CDK5RAP3: variants seen among roughly 807,000 people sequenced by gnomAD.
The protein encoded by CDK5RAP3 is CDK5 regulatory subunit associated protein 3.
CDK5RAP3 carries 58 observed loss-of-function variants against 73.3 expected under a neutral mutation model. The observed-to-expected ratio is 0.79, with a 90% CI of 0.64 to 0.98. The LOEUF (loss-of-function observed/expected upper bound fraction) is 0.98. Among genes scored for constraint, CDK5RAP3 ranks in the 50% least tolerant of loss-of-function variants. CDK5RAP3 has a pLI of 0.00. For synonymous variants in CDK5RAP3, 224 were observed against 247.5 expected (o/e 0.91, Z 0.89); for missense variants, 525 against 615.8 (o/e 0.85, Z 1.56).
intron 1 of CDK5RAP3, 46 bp from the exon 2 acceptor site, chr17:47,971,316 C>T (rs755896703): frequency 1.9e-6 from 3 of 1,592,236 alleles, no homozygotes; most frequent in Admixed American, 1.8e-5. Flanking sequence ...AGTGGTACGT[C>T]CTCTCTCCGC....
intron 2 of CDK5RAP3, among the ~76,000 whole-genome samples, chr17:47,973,233 A>G (rs1318222456): frequency 6.6e-6 from 1 of 152,178 alleles, no homozygotes; most frequent in South Asian, 2.1e-4. Flanking sequence ...GGAATTGAGA[A>G]TGGTCAAAAG....
intron 8 of CDK5RAP3, chr17:47,976,313 C>G (rs1473198802): frequency 4.8e-6 from 2 of 413,280 alleles, no homozygotes; most frequent in Admixed American, 7.9e-5. Flanking sequence ...AGTGTGCTCT[C>G]TACAGAAGCA....
intron 2 of CDK5RAP3, among the ~76,000 whole-genome samples, chr17:47,971,710 C>T (rs1246282933): frequency 1.3e-5 from 2 of 152,146 alleles, no homozygotes; most frequent in Non-Finnish European, 2.9e-5. Flanking sequence ...TGGCTCATGC[C>T]TGTAATCCCA....
chr17:47,971,879 C>T (rs1229031791), intron 2 of CDK5RAP3, among the ~76,000 whole-genome samples: 1 of 152,042 alleles, frequency 6.6e-6, no homozygotes, highest in East Asian at 1.9e-4. Flanking sequence ...CCTGTAATCC[C>T]AGCTACTCGG....
rs959365967 is a variant in CDK5RAP3 at position 47,973,807 on chromosome 17, A to T, written c.185-124A>T. On this transcript the variant is annotated intron_variant, in intron 3 of 13. Coordinates refer to ENST00000338399, the MANE Select transcript of CDK5RAP3 (RefSeq NM_176096.3). Reference sequence around the variant, plus strand: ...TGCTGGCTTCTTCCACTATGAAATGATTTAGGGAAAAGCTACACACTAAAG... The same window carrying T: ...TGCTGGCTTCTTCCACTATGAAATGTTTTAGGGAAAAGCTACACACTAAAG... 2.9e-5 allele frequency: 36 copies of T among 1,234,206 alleles called. No homozygotes were observed. In the African/African-American group the frequency reaches 3.9e-4, roughly 13 times the overall value. The allele number at this position is 1,234,206 out of a possible 1,614,324, so 76.5% of individuals were successfully genotyped here. A position where few individuals can be genotyped will look rare whatever the true frequency, so the allele number is the denominator to read the frequency against.
Position 47,975,621 on chromosome 17 carries a change from G to A in CDK5RAP3, c.621G>A (p.Val207=). Residue 207 remains valine (V), a synonymous_variant, in exon 7 of 14, where the codon GTG becomes GTA. Transcript: ENST00000338399. The part of the protein sequence containing the change: ...AQQSLGEAID[V]YQASVGFVCE... ...AGTCCCTGGGGGAAGCCATTGACGT[G>A]TACCAGGCGTCTGTGGGGTTTGTGT... is the stretch of plus-strand genomic sequence containing the variant. The A allele has an allele frequency of 6.2e-7, 1 of 1,605,546 alleles. No homozygotes were observed. Among genetic ancestry groups the A allele is most frequent in the Non-Finnish European group, 8.5e-7 (1 of 1,179,448 alleles).
intron 2 of CDK5RAP3, 41 bp downstream of exon 2, chr17:47,971,448 G>A (rs2036264408): frequency 1.3e-6 from 2 of 1,550,754 alleles, no homozygotes; most frequent in Non-Finnish European, 1.7e-6. Context: ...GTCGGGGGGA[G>A]GCCTGTGCGT....
chr17:47,978,442 A>C, intron 10 of CDK5RAP3: 1 of 181,428 alleles, frequency 5.5e-6, no homozygotes. Flanking sequence ...GCCAGCTGTT[A>C]TGGTAGGAGG....
intron 2 of CDK5RAP3, 120 bp from the exon 3 acceptor site, chr17:47,973,399 C>G: frequency 8.7e-7 from 1 of 1,148,792 alleles, no homozygotes; most frequent in Non-Finnish European, 1.2e-6. Context: ...CCCATGACCC[C>G]CATACTTTAA....
rs775482336 is a variant in CDK5RAP3 at position 47,975,672 on chromosome 17, C to T, written c.653+19C>T. On this transcript the variant is annotated intron_variant, in intron 7 of 13. Transcript: ENST00000338399. Reference sequence around the variant, plus strand: ...GTGAGAGGTAGAGAGGCCTCAGCTTCTCCTGGTGGGGGTGCTTTGCCTGTG... The same window carrying T: ...GTGAGAGGTAGAGAGGCCTCAGCTTTTCCTGGTGGGGGTGCTTTGCCTGTG... 6.3e-7 allele frequency: 1 copy of T among 1,584,198 alleles called. No individual in the cohort carries two copies. The highest frequency in any genetic ancestry group is 1.1e-5 in the South Asian group (1 of 89,090).
chr17:47,981,395 C>T (rs1428372751), intron 13 of CDK5RAP3, 42 bp from the exon 14 acceptor site: 3 of 1,614,216 alleles, frequency 1.9e-6, no homozygotes, highest in Non-Finnish European at 2.5e-6. Flanking sequence ...AAATGAGGCC[C>T]TGAGCACCCC....
intron 12 of CDK5RAP3, 35 bp from the exon 13 acceptor site, chr17:47,981,128 A>G: frequency 6.3e-7 from 1 of 1,591,678 alleles, no homozygotes; most frequent in Non-Finnish European, 8.6e-7. Flanking sequence ...CAGGATGCAC[A>G]GCTAACCCAG....
rs946805201 is a variant in CDK5RAP3, at chr17:47,980,887, C to T, written c.1283+89C>T. 1.0e-5 allele frequency: 14 copies of T among 1,347,886 alleles called. No individual in the cohort carries two copies. In the East Asian group the frequency reaches 3.2e-4, roughly 31 times the overall value. The allele number at this position is 1,347,886 out of a possible 1,614,324, so 83.5% of individuals were successfully genotyped here. A position where few individuals can be genotyped will look rare whatever the true frequency, so the allele number is the denominator to read the frequency against. Reference sequence around the variant, plus strand: ...CTCTTGTTCCATGACCCCTTAAACCCCATCCCTGCCTCCTGGCCATTGCCA... The same window carrying T: ...CTCTTGTTCCATGACCCCTTAAACCTCATCCCTGCCTCCTGGCCATTGCCA... On this transcript the variant is annotated intron_variant, in intron 12 of 13. Coordinates refer to ENST00000338399, the MANE Select transcript of CDK5RAP3 (RefSeq NM_176096.3).
Position 47,978,825 on chromosome 17 carries a change from G to A in CDK5RAP3, c.989-4G>A, listed in dbSNP as rs1567726888. 1 of 1,612,170 alleles carries A rather than the reference G, an allele frequency of 6.2e-7. No individual in the cohort carries two copies. Among genetic ancestry groups the A allele is most frequent in the African/African-American group, 1.3e-5 (1 of 74,824 alleles). ...TTTATCACTTCTCTGTCTCTTCCTG[G>A]CAGCTCCAGAAGGTGTTGCCAGGGG... On this transcript the variant is annotated splice_polypyrimidine_tract_variant and splice_region_variant and intron_variant, in intron 10 of 13. Transcript: ENST00000338399.
chr17:47,976,109 AG>A (rs2036406870), intron 8 of CDK5RAP3, 96 bp downstream of exon 8: 1 of 1,457,430 alleles, frequency 6.9e-7, no homozygotes, highest in African/African-American at 1.4e-5. Context: ...AGAGAGAAGA[AG>A]GGAGGATTTC....
At chr17:47,971,474 A>G in intron 2 of CDK5RAP3, 67 bp downstream of exon 2, 4 of 1,443,166 alleles carry the variant, frequency 2.8e-6, no homozygotes, top group Non-Finnish European at 3.7e-6. Context: ...CCTGTGTCCA[A>G]TAGCCGGGAG....
In CDK5RAP3 at chr17:47,978,863, G is replaced by A; in HGVS notation, c.1023G>A (p.Leu341=). 6.2e-7 allele frequency: 1 copy of A among 1,613,988 alleles called. No individual in the cohort carries two copies. Among genetic ancestry groups the A allele is most frequent in the Non-Finnish European group, 8.5e-7 (1 of 1,180,000 alleles). Residue 341 remains leucine (L), a synonymous_variant, in exon 11 of 14, where the codon CTG becomes CTA. Transcript: ENST00000338399. ...PEGVARGPDA[L]TLLEYTETRN... ...GTGTTGCCAGGGGCCCAGATGCCCT[G>A]ACACTGCTTGAATACACTGAGACCC...
At chr17:47,971,107 C>T, upstream of CDK5RAP3, 2 of 1,551,708 alleles carry the variant, frequency 1.3e-6, no homozygotes, top group Non-Finnish European at 8.7e-7. Context: ...TAGGGCGGGG[C>T]GGGCCACAGT....
At position 47,975,419 on chromosome 17, in the gene CDK5RAP3, C is replaced by G. The variant is rs986117308; in HGVS notation, c.513+82C>G. 3 of 1,606,162 alleles carry G rather than the reference C, an allele frequency of 1.9e-6. No individual in the cohort carries two copies. In the Admixed American group the frequency reaches 5.0e-5, roughly 27 times the overall value. On this transcript the variant is annotated intron_variant, in intron 6 of 13. Transcript: ENST00000338399. ...CTCTGACCCCGTCTGACCCCTCAGCCTGGTTGCACCCCCTTTGGGCCAGTG... is the reference window on the plus strand; with the variant it reads ...CTCTGACCCCGTCTGACCCCTCAGCGTGGTTGCACCCCCTTTGGGCCAGTG...
Sources: allele counts gnomAD v4.1 joint callset (sites outside exome capture counted in the v4.1 genomes callset), GRCh38; gene constraint gnomAD v4.1.1; transcripts MANE v1.5; gene names NCBI Gene and HGNC (gene_info 2026-07-23, HGNC 2026-07-21).